Variants in DLG5 observed in about 807,000 individuals in gnomAD.
The protein encoded by DLG5 is disks large homolog 5.
In DLG5, 48 loss-of-function variants were observed where a neutral mutation model predicts 189.8. The observed-to-expected ratio is 0.25, with a 90% confidence interval of 0.20 to 0.32. The LOEUF is 0.32. DLG5 is among the 10% of genes least tolerant of loss of function. The pLI, the probability that DLG5 is intolerant of heterozygous loss-of-function variation, is 1.00. For missense variants in DLG5, 2,160 were observed against 2,544.7 expected (o/e 0.85, Z 3.25); for synonymous variants, 1,016 against 1,054.1 (o/e 0.96, Z 0.70).
intron 7 of DLG5, among the ~76,000 whole-genome samples, chr10:77,840,251 G>A (rs1004146216): frequency 3.3e-5 from 5 of 151,924 alleles, no homozygotes; most frequent in East Asian, 1.9e-4. Flanking sequence ...GCTGGTGCTC[G>A]CCTATAGTCC....
intron 2 of DLG5, among the ~76,000 whole-genome samples, chr10:77,863,836 A>C (rs987650932): frequency 6.6e-6 from 1 of 152,146 alleles, no homozygotes; most frequent in African/African-American, 2.4e-5. Flanking sequence ...CTGGATGGAG[A>C]CAAAGAGCAG....
Position 77,808,033 on chromosome 10 carries a change from G to A in DLG5, c.4648-89C>T, listed in dbSNP as rs1458438004. Reference sequence around the variant, plus strand: ...AGGGGCCAGTGCTGACCATACGGCAGAAATTCAACATCCCTCCTTAACTGA... The same window carrying A: ...AGGGGCCAGTGCTGACCATACGGCAAAAATTCAACATCCCTCCTTAACTGA... On this transcript the variant is annotated intron_variant, in intron 24 of 31. Transcript: ENST00000372391. 22 of 1,487,844 alleles carry A rather than the reference G, an allele frequency of 1.5e-5. No individual in the cohort carries two copies. In the Admixed American group the frequency reaches 3.3e-4, roughly 22 times the overall value. 92.2% of individuals were successfully genotyped at this position (1,487,844 alleles called of 1,614,324 possible).
At chr10:77,905,735 C>T (rs913305749) in intron 1 of DLG5, among the ~76,000 whole-genome samples, 2 of 152,190 alleles carry the variant, frequency 1.3e-5, no homozygotes, top group Non-Finnish European at 2.9e-5. Context: ...AAAGACAGCA[C>T]TAGGATGGGA....
intron 23 of DLG5, 135 bp downstream of exon 23, chr10:77,810,959 C>A: frequency 1.8e-6 from 2 of 1,101,632 alleles, no homozygotes; most frequent in Non-Finnish European, 1.3e-6. Flanking sequence ...TGCTCCCGGC[C>A]CAACTCCTGA....
At chr10:77,828,486 C>CAAAAAAAAAA (rs34839290) in intron 13 of DLG5, among the ~76,000 whole-genome samples, 3 of 66,452 alleles carry the variant, frequency 4.5e-5, no homozygotes, top group African/African-American at 6.1e-5. Flanking sequence ...GACTCCATAT[C>CAAAAAAAAAA]AAAAAAAAAA....
intron 1 of DLG5, among the ~76,000 whole-genome samples, chr10:77,902,144 A>G (rs760642510): frequency 1.3e-5 from 2 of 152,160 alleles, no homozygotes; most frequent in African/African-American, 2.4e-5. Flanking sequence ...GACACTGAGG[A>G]GATGCCGTGC....
At chr10:77,884,262 C>T (rs1845370572) in intron 1 of DLG5, among the ~76,000 whole-genome samples, 1 of 152,188 alleles carries the variant, frequency 6.6e-6, no homozygotes, top group African/African-American at 2.4e-5. Flanking sequence ...AGATGCTATG[C>T]ATGGAGTCAA....
chr10:77,855,617 C>T lies in DLG5; in HGVS notation c.536+1113G>A, dbSNP rs1415778468. Reference sequence around the variant, plus strand: ...ATAAAACAGGCAGTGGGCCCGTGGGCCATAGTGTGCCAACTCTCATGTGCT... The same window carrying T: ...ATAAAACAGGCAGTGGGCCCGTGGGTCATAGTGTGCCAACTCTCATGTGCT... On this transcript the variant is annotated intron_variant, in intron 3 of 31. Coordinates refer to ENST00000372391, the MANE Select transcript of DLG5 (RefSeq NM_004747.4). 2.6e-5 allele frequency among the ~76,000 whole-genome samples: 4 copies of T among 152,226 alleles called. No homozygotes were observed. The East Asian group carries it at 7.7e-4, about 29-fold the overall frequency.
At chr10:77,896,863 C>T (rs949875946) in intron 1 of DLG5, among the ~76,000 whole-genome samples, 1 of 151,764 alleles carries the variant, frequency 6.6e-6, no homozygotes, top group African/African-American at 2.4e-5. Context: ...ACTGGTGAGT[C>T]TCGGTGACGA....
At chr10:77,883,000 G>T (rs1366577683) in intron 1 of DLG5, among the ~76,000 whole-genome samples, 2 of 151,948 alleles carry the variant, frequency 1.3e-5, no homozygotes, top group Non-Finnish European at 2.9e-5. Flanking sequence ...CCTCAGGGTG[G>T]ACCACACCTC....
At chr10:77,832,555 T>C (rs550684274) in intron 9 of DLG5, among the ~76,000 whole-genome samples, 6 of 152,210 alleles carry the variant, frequency 3.9e-5, no homozygotes, top group African/African-American at 1.4e-4. Flanking sequence ...AGCTCAGCAT[T>C]CATTGCTCAC....
At chr10:77,828,063 A>T (rs1842726035) in intron 13 of DLG5, among the ~76,000 whole-genome samples, 1 of 150,532 alleles carries the variant, frequency 6.6e-6, no homozygotes, top group Non-Finnish European at 1.5e-5. Flanking sequence ...AAAAAAATTT[A>T]AAAATAAGTA....
chr10:77,836,386 T>G (rs891414891), intron 7 of DLG5, among the ~76,000 whole-genome samples: 1 of 152,028 alleles, frequency 6.6e-6, no homozygotes, highest in Non-Finnish European at 1.5e-5. Flanking sequence ...ACAAAGCAAG[T>G]GTTTACTGCA....
At chr10:77,832,298 T>G (rs1429157256) in intron 9 of DLG5, among the ~76,000 whole-genome samples, 1 of 152,262 alleles carries the variant, frequency 6.6e-6, no homozygotes, top group East Asian at 1.9e-4. Context: ...CCTCGTTATA[T>G]CCTCAGGTGA....
chr10:77,902,837 G>C (rs1200119883), intron 1 of DLG5, among the ~76,000 whole-genome samples: 1 of 151,636 alleles, frequency 6.6e-6, no homozygotes, highest in African/African-American at 2.4e-5. Flanking sequence ...TCCAGTCTGG[G>C]CGACAGAGCG....
intron 2 of DLG5, among the ~76,000 whole-genome samples, chr10:77,861,503 A>G (rs1319910892): frequency 1.3e-5 from 2 of 152,208 alleles, no homozygotes; most frequent in African/African-American, 2.4e-5. Context: ...GCTCAGAGCC[A>G]TCCCAACACA....
chr10:77,793,825 T>C, intron 31 of DLG5, 183 bp downstream of exon 31: 1 of 612,038 alleles, frequency 1.6e-6, no homozygotes, highest in South Asian at 1.9e-5. Flanking sequence ...ATTCAACCTG[T>C]AAGAATCCTG....
chr10:77,874,706 C>T (rs1310791403), intron 1 of DLG5, among the ~76,000 whole-genome samples: 2 of 152,202 alleles, frequency 1.3e-5, no homozygotes, highest in African/African-American at 2.4e-5. Context: ...AAAAACACTT[C>T]TGGTTCCAAG....
chr10:77,883,535 C>T (rs1227981396), intron 1 of DLG5, among the ~76,000 whole-genome samples: 1 of 151,830 alleles, frequency 6.6e-6, no homozygotes, highest in Non-Finnish European at 1.5e-5. Context: ...ATGTGAGTGA[C>T]AAGCCCAGAG....
Sources: gnomAD v4.1 joint callset for allele counts (sites outside exome capture counted in the v4.1 genomes callset) on GRCh38, gnomAD v4.1.1 for gene constraint, MANE v1.5 for transcripts, NCBI Gene and HGNC (gene_info 2026-07-23, HGNC 2026-07-21) for gene names.